SH3KBP1: variants seen among roughly 807,000 people sequenced by gnomAD.
The protein encoded by SH3KBP1 is SH3 domain containing kinase binding protein 1.
A neutral mutation model predicts 50.1 loss-of-function variants in SH3KBP1; 8 were observed. The observed-to-expected ratio is 0.16, with a 90% CI of 0.09 to 0.29. The LOEUF is 0.29. SH3KBP1 is among the 10% of genes least tolerant of loss of function. The probability of loss-of-function intolerance (pLI) is 1.00; values close to 1 mark genes in which losing one functional copy is unlikely to be tolerated. For synonymous variants in SH3KBP1, 227 were observed against 218.6 expected (o/e 1.04, Z -0.34); for missense variants, 377 against 535.2 (o/e 0.70, Z 2.92).
rs781213846 is a variant in SH3KBP1 at position 19,707,115 on chromosome X, G to T, written c.287-131C>A. The T allele has an allele frequency of 5.3e-5, 31 of 585,958 alleles. 1 individual carries two copies. Among genetic ancestry groups the T allele is most frequent in the Admixed American group, 2.2e-4 (10 of 44,855 alleles). 48.3% of individuals were successfully genotyped at this position (585,958 alleles called of 1,213,427 possible). The stretch of plus-strand genomic sequence containing the variant: ...TATGCTCTCTGGGACATGGCTTGAG[G>T]CACGGCAGCCCTGGTCTCTTAGAGA... On this transcript the variant is annotated intron_variant, in intron 3 of 17. Coordinates refer to ENST00000397821, the MANE Select transcript of SH3KBP1 (RefSeq NM_031892.3).
At chrX:19,655,735 G>A (rs1196296353) in intron 6 of SH3KBP1, among the ~76,000 whole-genome samples, 1 of 110,993 alleles carries the variant, frequency 9.0e-6, no homozygotes, top group Non-Finnish European at 1.9e-5. Flanking sequence ...CTATTTGGGC[G>A]ATGGGTTCGA....
intron 2 of SH3KBP1, chrX:19,799,737 A>G: frequency 8.3e-7 from 1 of 1,203,677 alleles, no homozygotes; most frequent in Non-Finnish European, 1.1e-6. Flanking sequence ...CTGGGCAGGA[A>G]TAAGTTCCGT....
At chrX:19,828,331 A>G (rs1331595672) in intron 2 of SH3KBP1, among the ~76,000 whole-genome samples, 1 of 109,866 alleles carries the variant, frequency 9.1e-6, no homozygotes, top group African/African-American at 3.3e-5. Flanking sequence ...TAGTTCCCTC[A>G]TTAAATAAGT....
chrX:19,788,376 G>T (rs1250546061), intron 2 of SH3KBP1, among the ~76,000 whole-genome samples: 2 of 109,801 alleles, frequency 1.8e-5, no homozygotes, highest in East Asian at 2.8e-4. Context: ...AGAGACTGGG[G>T]TGATGTGTCT....
At chrX:19,713,234 CAAACA>C (rs1042510752) in intron 3 of SH3KBP1, among the ~76,000 whole-genome samples, 2 of 109,902 alleles carry the variant, frequency 1.8e-5, no homozygotes, top group Admixed American at 1.9e-4. Flanking sequence ...ACAAAACAAA[CAAACA>C]AAAAACTCAT....
intron 3 of SH3KBP1, among the ~76,000 whole-genome samples, chrX:19,741,408 T>A (rs186668311): frequency 8.9e-6 from 1 of 112,228 alleles, no homozygotes; most frequent in East Asian, 2.8e-4. Context: ...AAACCTTAAA[T>A]AAAGATGGTA....
chrX:19,882,004 C>T (rs1214928451), intron 1 of SH3KBP1, among the ~76,000 whole-genome samples: 4 of 110,661 alleles, frequency 3.6e-5, no homozygotes, highest in African/African-American at 1.3e-4. Context: ...AGGTGTAGGG[C>T]AGGCTATGTG....
intron 12 of SH3KBP1, among the ~76,000 whole-genome samples, chrX:19,570,019 A>G (rs908893187): frequency 2.7e-5 from 3 of 112,337 alleles, no homozygotes; most frequent in African/African-American, 9.7e-5. Flanking sequence ...TGTTCCCAGC[A>G]AAGTAACAGA....
chrX:19,540,867 A>G lies in SH3KBP1; in HGVS notation c.1892+1058T>C, dbSNP rs762639785. On this transcript the variant is annotated intron_variant, in intron 16 of 17. Coordinates refer to ENST00000397821, the MANE Select transcript of SH3KBP1 (RefSeq NM_031892.3). ...CCCTTGATTCTCTCAAGAAACAGCT[A>G]ACTGATCCCTAAACTCCTCGAGCCT... Among the ~76,000 whole-genome samples, 54 of 111,780 alleles carry G rather than the reference A, an allele frequency of 4.8e-4. No homozygotes were observed. The South Asian group carries it at 0.02, about 41-fold the overall frequency.
chrX:19,837,950 T>G (rs1569485597), intron 1 of SH3KBP1, among the ~76,000 whole-genome samples: 1 of 111,293 alleles, frequency 9.0e-6, no homozygotes, highest in East Asian at 2.8e-4. Flanking sequence ...GACCTAAGTG[T>G]AAGAGCTAAA....
intron 2 of SH3KBP1, among the ~76,000 whole-genome samples, chrX:19,778,154 C>A (rs1050486570): frequency 9.0e-6 from 1 of 111,339 alleles, no homozygotes. Context: ...AAAATTCGGC[C>A]GGGTGCGGTG....
At chrX:19,673,063 C>CT (rs2062840108) in intron 6 of SH3KBP1, among the ~76,000 whole-genome samples, 1 of 65,008 alleles carries the variant, frequency 1.5e-5, no homozygotes, top group Admixed American at 2.0e-4. Flanking sequence ...AAGATTCTGT[C>CT]TCAAAAAAAA....
At chrX:19,582,444 C>T (rs2066405759) in intron 12 of SH3KBP1, among the ~76,000 whole-genome samples, 1 of 112,063 alleles carries the variant, frequency 8.9e-6, no homozygotes, top group East Asian at 2.8e-4. Flanking sequence ...CCAACTCCGG[C>T]CCCTCCTTCC....
At chrX:19,832,562 C>T (rs2067925212) in intron 2 of SH3KBP1, among the ~76,000 whole-genome samples, 2 of 111,332 alleles carry the variant, frequency 1.8e-5, no homozygotes, top group African/African-American at 6.5e-5. Context: ...GAAGGTGAGC[C>T]TGACTGGAGC....
intron 4 of SH3KBP1, among the ~76,000 whole-genome samples, chrX:19,696,653 TA>T: frequency 9.0e-6 from 1 of 110,999 alleles, no homozygotes; most frequent in African/African-American, 3.3e-5. Flanking sequence ...GACAGAAGCG[TA>T]AAAAAATTGG....
At chrX:19,716,180 A>G (rs982428208) in intron 3 of SH3KBP1, among the ~76,000 whole-genome samples, 2 of 112,026 alleles carry the variant, frequency 1.8e-5, no homozygotes, top group African/African-American at 6.5e-5. Context: ...CATACTCTTT[A>G]CTGGAAACAT....
rs771125225 is a variant in SH3KBP1, at chrX:19,550,876, A to T, written c.1385-793T>A. 2.2e-3 allele frequency among the ~76,000 whole-genome samples: 239 copies of T among 111,047 alleles called. 1 individual carries two copies. The highest frequency in any genetic ancestry group is 7.3e-3 in the African/African-American group (224 of 30,541). On this transcript the variant is annotated intron_variant, in intron 13 of 17. Transcript: ENST00000397821. ...GTGCCCAGACTTCTTGCCATGTGAA[A>T]TTAACAAACCCCTGTTATTTCAGCC...
intron 6 of SH3KBP1, among the ~76,000 whole-genome samples, chrX:19,663,786 A>C (rs2148495262): frequency 8.9e-6 from 1 of 112,158 alleles, no homozygotes; most frequent in Admixed American, 9.4e-5. Flanking sequence ...ACTATGCTTC[A>C]AGTTAAATGG....
chrX:19,707,593 A>G (rs2063678624), intron 3 of SH3KBP1, among the ~76,000 whole-genome samples: 1 of 111,099 alleles, frequency 9.0e-6, no homozygotes, highest in Non-Finnish European at 1.9e-5. Flanking sequence ...CAGGGGATCC[A>G]TTAACAGGAT....
Sources: gnomAD v4.1 joint callset for allele counts (sites outside exome capture counted in the v4.1 genomes callset) on GRCh38, gnomAD v4.1.1 for gene constraint, MANE v1.5 for transcripts, NCBI Gene and HGNC (gene_info 2026-07-23, HGNC 2026-07-21) for gene names.